HECTD2: variants seen among roughly 807,000 people sequenced by gnomAD.
HECTD2 encodes HECT domain E3 ubiquitin protein ligase 2.
HECTD2 carries 35 observed loss-of-function variants against 103.2 expected under a neutral mutation model. The ratio of observed to expected loss-of-function variants is 0.34; its 90% CI spans 0.26 to 0.45. HECTD2 has a LOEUF of 0.45. Among genes scored for constraint, HECTD2 ranks in the 20% least tolerant of loss-of-function variants. The probability of loss-of-function intolerance (pLI) is 1.00; values close to 1 mark genes in which losing one functional copy is unlikely to be tolerated. For missense variants in HECTD2, 596 were observed against 937.4 expected (o/e 0.64, Z 4.76); for synonymous variants, 281 against 329.9 (o/e 0.85, Z 1.61).
At chr10:91,488,860 T>G (rs1846361179) in intron 11 of HECTD2, 1 of 152,128 alleles carries the variant, frequency 6.6e-6, no homozygotes, top group Non-Finnish European at 1.5e-5. Context: ...ACTACCCCCC[T>G]GAAGAATGAG....
At chr10:91,445,701 G>C (rs909517919) in intron 2 of HECTD2, among the ~76,000 whole-genome samples, 1 of 152,088 alleles carries the variant, frequency 6.6e-6, no homozygotes, top group African/African-American at 2.4e-5. Context: ...ATCTCACTGG[G>C]ACTGGTTAGA....
At chr10:91,467,648 C>A (rs1419855854) in intron 5 of HECTD2, among the ~76,000 whole-genome samples, 1 of 150,748 alleles carries the variant, frequency 6.6e-6, no homozygotes, top group Non-Finnish European at 1.5e-5. Context: ...AACATCCCCC[C>A]ATCAGAACCT....
intron 2 of HECTD2, among the ~76,000 whole-genome samples, chr10:91,458,033 A>C (rs1007131849): frequency 1.3e-5 from 2 of 149,080 alleles, no homozygotes; most frequent in African/African-American, 5.1e-5. Context: ...AAAAAAAAAA[A>C]AAAACCCATG....
At chr10:91,453,407 A>C (rs1456339285) in intron 2 of HECTD2, among the ~76,000 whole-genome samples, 1 of 152,166 alleles carries the variant, frequency 6.6e-6, no homozygotes, top group Non-Finnish European at 1.5e-5. Flanking sequence ...CCCCATCCTG[A>C]GTGAAAGAGC....
At chr10:91,490,495 C>T (rs1029979297) in intron 11 of HECTD2, among the ~76,000 whole-genome samples, 1 of 152,044 alleles carries the variant, frequency 6.6e-6, no homozygotes, top group Non-Finnish European at 1.5e-5. Context: ...AATTCAATAT[C>T]TAAAAAATCC....
At chr10:91,500,351 A>C (rs1359022668) in intron 18 of HECTD2, 151 bp from the exon 19 acceptor site, 1 of 507,476 alleles carries the variant, frequency 2.0e-6, no homozygotes, top group Non-Finnish European at 3.5e-6. Flanking sequence ...GGCAGGAAAA[A>C]TATACCCAGA....
At chr10:91,414,508 A>T (rs1366051535) in intron 1 of HECTD2, among the ~76,000 whole-genome samples, 1 of 152,256 alleles carries the variant, frequency 6.6e-6, no homozygotes, top group Admixed American at 6.5e-5. Flanking sequence ...GTTTTAAAAA[A>T]TGGTCTCTGC....
At chr10:91,491,501 T>C (rs1846477108) in intron 12 of HECTD2, among the ~76,000 whole-genome samples, 194 bp downstream of exon 12, 1 of 152,316 alleles carries the variant, frequency 6.6e-6, no homozygotes, top group African/African-American at 2.4e-5. Flanking sequence ...TATTCATAAT[T>C]GTCTTATATT....
intron 2 of HECTD2, among the ~76,000 whole-genome samples, chr10:91,435,668 C>T (rs1844084239): frequency 6.6e-6 from 1 of 151,956 alleles, no homozygotes; most frequent in East Asian, 1.9e-4. Flanking sequence ...CTTGTTGAGC[C>T]ATCTCTTATC....
chr10:91,433,481 T>C (rs1476338715), intron 2 of HECTD2, among the ~76,000 whole-genome samples: 1 of 152,024 alleles, frequency 6.6e-6, no homozygotes, highest in Non-Finnish European at 1.5e-5. Flanking sequence ...GATATCTTTC[T>C]GTATCAGTAC....
chr10:91,501,480 A>G (rs570153105), intron 20 of HECTD2, 146 bp downstream of exon 20: 2 of 515,134 alleles, frequency 3.9e-6, no homozygotes, highest in East Asian at 6.7e-5. Context: ...TTGAAATGTA[A>G]GAGATTTTGA....
chr10:91,496,046 G>A (rs1022932283), intron 14 of HECTD2, among the ~76,000 whole-genome samples, 168 bp from the exon 15 acceptor site: 1 of 152,050 alleles, frequency 6.6e-6, no homozygotes, highest in African/African-American at 2.4e-5. Flanking sequence ...ATTATATTAT[G>A]TAAAATAAAG....
chr10:91,412,053 T>C (rs907019756), intron 1 of HECTD2, among the ~76,000 whole-genome samples: 1 of 152,208 alleles, frequency 6.6e-6, no homozygotes, highest in Admixed American at 6.5e-5. Context: ...TGGATACAAG[T>C]CTACAGTCTG....
intron 2 of HECTD2, among the ~76,000 whole-genome samples, chr10:91,450,477 C>T (rs918699351): frequency 7.9e-5 from 12 of 152,052 alleles, no homozygotes; most frequent in East Asian, 3.9e-4. Flanking sequence ...AAAGACTTCA[C>T]GGCTAAAACA....
rs578048897 is a variant in HECTD2, at chr10:91,499,268, T to G, written c.1950+118T>G. On this transcript the variant is annotated intron_variant, in intron 18 of 20. Transcript: ENST00000298068. ...TTAAAATAGAAAATATTTTCTACTT[T>G]TTAAAAGTAGAACTAAAAACAAAAA... The G allele has an allele frequency of 6.4e-6, 4 of 625,372 alleles. No individual in the cohort carries two copies. In the South Asian group the frequency reaches 1.1e-4, roughly 17 times the overall value. The allele number at this position is 625,372 out of a possible 1,614,324, so 38.7% of individuals were successfully genotyped here.
intron 2 of HECTD2, among the ~76,000 whole-genome samples, chr10:91,459,489 C>T (rs6583776): frequency 0.2 from 30,476 of 151,882 alleles, 7,254 homozygotes; most frequent in African/African-American, 0.58. Context: ...TACTATTAAG[C>T]AATAAAAATG....
rs111944395 is a variant in HECTD2 at position 91,411,245 on chromosome 10, C to T, written c.138+669C>T. On this transcript the variant is annotated intron_variant, in intron 1 of 20. Transcript: ENST00000298068. ...ATCTTCGTAAGGGTTATTTGGAGAGCGCTGTCAGGCTTCAAACTACATATT... is the reference window on the plus strand; with the variant it reads ...ATCTTCGTAAGGGTTATTTGGAGAGTGCTGTCAGGCTTCAAACTACATATT... 2.9e-3 allele frequency among the ~76,000 whole-genome samples: 440 copies of T among 152,184 alleles called. 1 individual carries two copies. The highest frequency in any genetic ancestry group is 9.5e-3 in the African/African-American group (395 of 41,522).
At chr10:91,430,692 G>A (rs567989752) in intron 2 of HECTD2, among the ~76,000 whole-genome samples, 4 of 152,156 alleles carry the variant, frequency 2.6e-5, no homozygotes, top group East Asian at 3.9e-4. Flanking sequence ...TCAGAGACTA[G>A]GATTGCAACC....
intron 8 of HECTD2, 36 bp downstream of exon 8, chr10:91,483,112 C>A: frequency 1.1e-6 from 1 of 911,790 alleles, no homozygotes; most frequent in South Asian, 1.5e-5. Context: ...CTTTTATAGT[C>A]TCACAGTTTT....
Sources: gnomAD v4.1 joint callset for allele counts (sites outside exome capture counted in the v4.1 genomes callset) on GRCh38, gnomAD v4.1.1 for gene constraint, MANE v1.5 for transcripts, NCBI Gene and HGNC (gene_info 2026-07-23, HGNC 2026-07-21) for gene names.